ECSCR: variants seen among roughly 807,000 people sequenced by gnomAD.
ECSCR encodes endothelial cell-specific chemotaxis regulator.
A neutral mutation model predicts 16.7 loss-of-function variants in ECSCR; 12 were observed. That is an observed-to-expected ratio of 0.72 (90% CI 0.46 to 1.17). The LOEUF (loss-of-function observed/expected upper bound fraction) is 1.17. Ranked by LOEUF, ECSCR falls within the 50% of genes most tolerant of loss-of-function variation. ECSCR has a pLI of 0.00. For synonymous variants in ECSCR, 44 were observed against 42.2 expected, an observed-to-expected ratio of 1.04 and a Z score of -0.17; for missense variants, 122 against 116.1, an observed-to-expected ratio of 1.05 and a Z score of -0.23.
rs1750965211 is a variant in ECSCR, at chr5:139,448,795, A to G, written c.*105T>C. Reference sequence around the variant, plus strand: ...TCTAGAAGCAGACATGAAACAATAAAATAATTTACATGTGGTTCATTGCCT... The same window carrying G: ...TCTAGAAGCAGACATGAAACAATAAGATAATTTACATGTGGTTCATTGCCT... On this transcript the variant is annotated 3_prime_UTR_variant, in exon 10 of 10. Transcript: ENST00000618155. The G allele has an allele frequency of 2.0e-6, 3 of 1,509,662 alleles. No individual in the cohort carries two copies. The highest frequency in any genetic ancestry group is 2.6e-6 in the Non-Finnish European group (3 of 1,135,566). 93.5% of individuals were successfully genotyped at this position (1,509,662 alleles called of 1,614,324 possible). A position where few individuals can be genotyped will look rare whatever the true frequency, so the allele number is the denominator to read the frequency against.
intron 8 of ECSCR, among the ~76,000 whole-genome samples, chr5:139,454,350 TGTGTGTG>T (rs1281947823): frequency 4.9e-5 from 7 of 143,350 alleles, no homozygotes; most frequent in Admixed American, 2.1e-4. Flanking sequence ...ATGTATGTAA[TGTGTGTG>T]GTGTGTGGTG....
At position 139,462,645 on chromosome 5, in the gene ECSCR, A is replaced by T. The variant is rs1190362874; in HGVS notation, c.26T>A (p.Leu9Gln). The T allele has an allele frequency of 6.3e-7, 1 of 1,595,010 alleles. No homozygotes were observed. Among genetic ancestry groups the T allele is most frequent in the Non-Finnish European group, 8.5e-7 (1 of 1,171,300 alleles). ...GAGGAAGCCCAGGATCACCCAGCAC[A>T]GCTGCATGGCTCCTGCGGTGCCCAT... MGTAGAMQLCWVILGFLLF... is the reference protein window; with the variant it reads MGTAGAMQQCWVILGFLLF... The change falls in exon 1 of 10, where the codon CTG becomes CAG. Residue 9 changes from leucine to glutamine, a missense_variant. By Grantham distance (113) the Leu-to-Gln change is moderately radical (BLOSUM62 -2). Transcript: ENST00000618155.
chr5:139,458,500 C>CA (rs397882364), intron 1 of ECSCR, among the ~76,000 whole-genome samples: 117 of 85,354 alleles, frequency 1.4e-3, no homozygotes, highest in African/African-American at 3.8e-3. Context: ...CCTATCTCAA[C>CA]AAAAAAAAAA....
At position 139,458,317 on chromosome 5, in the gene ECSCR, T is replaced by C. The variant is rs550328911; in HGVS notation, c.62-134A>G. 9.8e-5 allele frequency: 79 copies of C among 808,192 alleles called. No homozygotes were observed. The East Asian group carries it at 1.4e-3, about 14-fold the overall frequency. The allele number at this position is 808,192 out of a possible 1,614,324, so 50.1% of individuals were successfully genotyped here. A position where few individuals can be genotyped will look rare whatever the true frequency, so the allele number is the denominator to read the frequency against. On this transcript the variant is annotated intron_variant, in intron 1 of 9. Coordinates refer to ENST00000618155, the MANE Select transcript of ECSCR (RefSeq NM_001077693.4). ...CCCTGTCTCTAAAAAAAAATTTTGT[T>C]TTGTTTTGTTTTTTTTTTTTTTTTA...
At chr5:139,453,752 GGT>G (rs1317292041) in intron 8 of ECSCR, among the ~76,000 whole-genome samples, 1 of 149,160 alleles carries the variant, frequency 6.7e-6, no homozygotes, top group Non-Finnish European at 1.5e-5. Flanking sequence ...TGGGGAGTGT[GGT>G]GTGTTTGTGG....
chr5:139,448,921 T>C lies in ECSCR; in HGVS notation c.610-13A>G, dbSNP rs1027625862. The C allele has an allele frequency of 3.3e-6, 5 of 1,537,006 alleles. No homozygotes were observed. In the Admixed American group the frequency reaches 7.8e-5, roughly 24 times the overall value. On this transcript the variant is annotated splice_polypyrimidine_tract_variant and intron_variant, in intron 9 of 9. Transcript: ENST00000618155. ...GCTTTTAAAGAACCTGCAAAATAAATGCATAATGGGGAAGGGTGAACTTTT... is the reference window on the plus strand; with the variant it reads ...GCTTTTAAAGAACCTGCAAAATAAACGCATAATGGGGAAGGGTGAACTTTT...
At chr5:139,457,346 C>T (rs1751180028) in intron 4 of ECSCR, among the ~76,000 whole-genome samples, 199 bp downstream of exon 4, 1 of 152,206 alleles carries the variant, frequency 6.6e-6, no homozygotes, top group African/African-American at 2.4e-5. Flanking sequence ...TCTGAAGTGA[C>T]TGACATGTGC....
At chr5:139,450,831 ATAT>A (rs1751025483) in intron 8 of ECSCR, among the ~76,000 whole-genome samples, 2 of 152,308 alleles carry the variant, frequency 1.3e-5, no homozygotes, top group South Asian at 4.1e-4. Context: ...ATTTGAGATA[ATAT>A]TATAAAATAT....
chr5:139,449,453 T>C (rs1750981010), intron 8 of ECSCR, among the ~76,000 whole-genome samples: 1 of 152,148 alleles, frequency 6.6e-6, no homozygotes, highest in Non-Finnish European at 1.5e-5. Flanking sequence ...TTCTCCTGCC[T>C]CAGCCTCCTG....
At chr5:139,452,432 TTC>T (rs2152088520) in intron 8 of ECSCR, among the ~76,000 whole-genome samples, 1 of 126,242 alleles carries the variant, frequency 7.9e-6, no homozygotes, top group East Asian at 2.4e-4. Context: ...GTGTGTGTGG[TTC>T]GTGGGGTGTG....
chr5:139,460,190 C>T (rs1751264314), intron 1 of ECSCR, among the ~76,000 whole-genome samples: 1 of 151,406 alleles, frequency 6.6e-6, no homozygotes, highest in Non-Finnish European at 1.5e-5. Context: ...GGCTGGAGTG[C>T]AGTGGCGCGA....
chr5:139,448,770 T>A lies in ECSCR; in HGVS notation c.*130A>T, dbSNP rs1750964573. 3.4e-6 allele frequency: 5 copies of A among 1,485,676 alleles called. No homozygotes were observed. The highest frequency in any genetic ancestry group is 4.5e-6 in the Non-Finnish European group (5 of 1,123,318). 92.0% of individuals were successfully genotyped at this position (1,485,676 alleles called of 1,614,324 possible). On this transcript the variant is annotated 3_prime_UTR_variant, in exon 10 of 10. Coordinates refer to ENST00000618155, the MANE Select transcript of ECSCR (RefSeq NM_001077693.4). ...TGGGGCAATGCTAGTGTCCTTTAGATCTAGAAGCAGACATGAAACAATAAA... is the reference window on the plus strand; with the variant it reads ...TGGGGCAATGCTAGTGTCCTTTAGAACTAGAAGCAGACATGAAACAATAAA...
rs1282567779 is a variant in ECSCR at position 139,456,506 on chromosome 5, G to A, written c.230C>T (p.Pro77Leu). 2 of 398,532 alleles carry A rather than the reference G, an allele frequency of 5.0e-6. No homozygotes were observed. The highest frequency in any genetic ancestry group is 4.4e-5 in the Admixed American group (1 of 22,710). The allele number at this position is 398,532 out of a possible 1,614,324, so 24.7% of individuals were successfully genotyped here. The change falls in exon 5 of 10, where the codon CCC (proline) becomes CTC (leucine). Residue 77 changes from proline to leucine, a missense_variant. Coordinates refer to ENST00000618155, the MANE Select transcript of ECSCR (RefSeq NM_001077693.4). Reference protein sequence around the residue: ...SSTGTPGAGVPSSGRDGGTSR... With the variant: ...SSTGTPGAGVLSSGRDGGTSR... Reference sequence around the variant, plus strand: ...TGTGCCTCCGTCTCTTCCACTGCTGGGGACACCTGCGCCTGCACCATGAAA... The same window carrying A: ...TGTGCCTCCGTCTCTTCCACTGCTGAGGACACCTGCGCCTGCACCATGAAA...
intron 1 of ECSCR, among the ~76,000 whole-genome samples, chr5:139,458,986 C>T (rs1434184036): frequency 6.6e-6 from 1 of 152,134 alleles, no homozygotes; most frequent in Non-Finnish European, 1.5e-5. Flanking sequence ...GAGACTGTGA[C>T]TCAATAGCAA....
intron 1 of ECSCR, among the ~76,000 whole-genome samples, chr5:139,460,906 G>T (rs1285057504): frequency 6.6e-6 from 1 of 152,092 alleles, no homozygotes; most frequent in African/African-American, 2.4e-5. Flanking sequence ...TTCAAGTCCT[G>T]GCTTTGTCGC....
chr5:139,451,862 C>T (rs963832653), intron 8 of ECSCR, among the ~76,000 whole-genome samples: 4 of 122,100 alleles, frequency 3.3e-5, no homozygotes, highest in Admixed American at 1.6e-4. Flanking sequence ...GTATGTATGT[C>T]GTGTGTGTGT....
At chr5:139,449,460 C>T (rs1750981189) in intron 8 of ECSCR, among the ~76,000 whole-genome samples, 1 of 152,102 alleles carries the variant, frequency 6.6e-6, no homozygotes, top group African/African-American at 2.4e-5. Context: ...GCCTCAGCCT[C>T]CTGAGTAGCT....
chr5:139,454,978 A>G (rs1013247033), intron 6 of ECSCR, 55 bp from the exon 7 acceptor site: 11 of 398,872 alleles, frequency 2.8e-5, no homozygotes, highest in Admixed American at 2.2e-4. Flanking sequence ...CAAAGGGGCC[A>G]ACAAGAGTCC....
At chr5:139,454,194 G>T (rs1475334792) in intron 8 of ECSCR, among the ~76,000 whole-genome samples, 3 of 146,974 alleles carry the variant, frequency 2.0e-5, no homozygotes, top group African/African-American at 7.5e-5. Context: ...TGGGGTGTGG[G>T]GTGTGTGGTG....
Sources: gnomAD v4.1 joint callset for allele counts (sites outside exome capture counted in the v4.1 genomes callset) on GRCh38, gnomAD v4.1.1 for gene constraint, MANE v1.5 for transcripts, NCBI Gene and HGNC (gene_info 2026-07-23, HGNC 2026-07-21) for gene names.